B4GALT6: variants seen among roughly 807,000 people sequenced by gnomAD.
B4GALT6 encodes beta-1,4-galactosyltransferase 6, also known as UDP-Gal:beta-GlcNAc beta-1,4-galactosyltransferase 6.
Under a neutral mutation model 46.3 loss-of-function variants are expected in B4GALT6, and 14 were observed. The ratio of observed to expected loss-of-function variants is 0.30; its 90% CI spans 0.20 to 0.47. B4GALT6 has a LOEUF of 0.47. Among genes scored for constraint, B4GALT6 ranks in the 20% least tolerant of loss-of-function variants. The pLI, the probability that B4GALT6 is intolerant of heterozygous loss-of-function variation, is 0.99. For missense variants in B4GALT6, 386 were observed against 480.1 expected (o/e 0.80, Z 1.83); for synonymous variants, 168 against 162.0 (o/e 1.04, Z -0.28).
the B4GALT6 span, among the ~76,000 whole-genome samples, chr18:31,704,686 T>C: frequency 9.2e-5 from 14 of 152,288 alleles, 1 homozygote; most frequent in South Asian, 2.9e-3. Flanking sequence ...TCACCAACAA[T>C]ACATACTTGT....
the B4GALT6 span, chr18:31,724,421 C>G: frequency 9.4e-7 from 1 of 1,062,424 alleles, no homozygotes; most frequent in South Asian, 3.0e-5. Flanking sequence ...TCCCGCTCCT[C>G]CGATCTCCCA....
chr18:31,714,209 G>A, the B4GALT6 span, among the ~76,000 whole-genome samples: 20 of 152,340 alleles, frequency 1.3e-4, no homozygotes, highest in African/African-American at 4.1e-4. Context: ...GTAGTCACAC[G>A]TGATGTGTGG....
chr18:31,647,112 T>C (rs1267697071), intron 3 of B4GALT6, among the ~76,000 whole-genome samples: 2 of 152,320 alleles, frequency 1.3e-5, no homozygotes, highest in East Asian at 1.9e-4. Context: ...AACATTGTAA[T>C]CAAATAAAAT....
intron 6 of B4GALT6, among the ~76,000 whole-genome samples, chr18:31,628,050 G>A (rs1313940144): frequency 1.3e-5 from 2 of 152,256 alleles, no homozygotes; most frequent in African/African-American, 4.8e-5. Context: ...CACATTCTGA[G>A]AAGGACGTGC....
At chr18:31,701,209 C>T in the B4GALT6 span, among the ~76,000 whole-genome samples, 2 of 152,244 alleles carry the variant, frequency 1.3e-5, no homozygotes. Flanking sequence ...ACACCATCTC[C>T]TTGGTGCTGT....
chr18:31,674,305 T>C (rs2074391310), intron 1 of B4GALT6, among the ~76,000 whole-genome samples: 1 of 152,150 alleles, frequency 6.6e-6, no homozygotes. Context: ...GGAAGAAATG[T>C]TGGTTCAAGG....
chr18:31,651,491 ATACT>A (rs981058788), intron 3 of B4GALT6, among the ~76,000 whole-genome samples: 4 of 152,016 alleles, frequency 2.6e-5, no homozygotes, highest in African/African-American at 9.7e-5. Context: ...AACTTTTTAA[ATACT>A]TACTCCTCCC....
intron 3 of B4GALT6, among the ~76,000 whole-genome samples, 174 bp downstream of exon 3, chr18:31,657,802 T>A (rs1449086): frequency 0.67 from 101,403 of 152,004 alleles, 33,976 homozygotes; most frequent in South Asian, 0.8. Context: ...CCCTTCAAAA[T>A]GCGCTTTGCC....
intron 3 of B4GALT6, among the ~76,000 whole-genome samples, chr18:31,649,759 G>A (rs1434192045): frequency 7.2e-5 from 11 of 152,146 alleles, no homozygotes; most frequent in African/African-American, 2.4e-5. Context: ...AAAAACAACA[G>A]ATGCTGGCGA....
chr18:31,673,889 T>C (rs188086061), intron 1 of B4GALT6, among the ~76,000 whole-genome samples: 1 of 151,942 alleles, frequency 6.6e-6, no homozygotes, highest in African/African-American at 2.4e-5. Context: ...CAAGTACTCT[T>C]CTAAGAGAAA....
the B4GALT6 span, among the ~76,000 whole-genome samples, chr18:31,694,763 A>C: frequency 1.4e-3 from 217 of 152,330 alleles, 1 homozygote; most frequent in African/African-American, 4.9e-3. Flanking sequence ...TTCAACTGAA[A>C]TATCACTTTA....
intron 4 of B4GALT6, among the ~76,000 whole-genome samples, chr18:31,642,704 T>C (rs539505164): frequency 2.6e-5 from 4 of 152,178 alleles, no homozygotes; most frequent in Non-Finnish European, 5.9e-5. Flanking sequence ...TTACTAGTGG[T>C]TTTTTGTTTG....
In B4GALT6 at chr18:31,658,092, T is replaced by C. The variant is rs756724410; in HGVS notation, c.233-3A>G. 1 of 1,587,790 alleles carries C rather than the reference T, an allele frequency of 6.3e-7. No homozygotes were observed. Among genetic ancestry groups the C allele is most frequent in the Non-Finnish European group, 8.6e-7 (1 of 1,168,640 alleles). The stretch of plus-strand genomic sequence containing the variant: ...TGAATTATTGCCTTCGGGATAATCT[T>C]GGAAAGAGAGAAAAGAGTTACAAAA... On this transcript the variant is annotated splice_region_variant and splice_polypyrimidine_tract_variant and intron_variant, in intron 2 of 8. Coordinates refer to ENST00000306851, the MANE Select transcript of B4GALT6 (RefSeq NM_004775.5).
intron 3 of B4GALT6, among the ~76,000 whole-genome samples, chr18:31,655,019 G>C (rs559197987): frequency 4.6e-5 from 7 of 152,176 alleles, no homozygotes; most frequent in Non-Finnish European, 7.3e-5. Flanking sequence ...GAAGGAAAGG[G>C]AGAATCAAAT....
chr18:31,656,139 A>G (rs762116715), intron 3 of B4GALT6, among the ~76,000 whole-genome samples: 1 of 152,214 alleles, frequency 6.6e-6, no homozygotes, highest in Non-Finnish European at 1.5e-5. Context: ...CCATGGCCTT[A>G]GATGATATTA....
At chr18:31,674,323 G>C (rs1392859731) in intron 1 of B4GALT6, among the ~76,000 whole-genome samples, 1 of 152,184 alleles carries the variant, frequency 6.6e-6, no homozygotes, top group Non-Finnish European at 1.5e-5. Context: ...AGGCCACAGA[G>C]GAGAGGGAGA....
At chr18:31,629,446 GA>G (rs2073746658) in intron 6 of B4GALT6, among the ~76,000 whole-genome samples, 1 of 35,112 alleles carries the variant, frequency 2.8e-5, no homozygotes, top group South Asian at 1.1e-3. Context: ...TGCCCTTTAT[GA>G]TTTTTTTTTT....
chr18:31,657,969 G>C lies in B4GALT6; in HGVS notation c.346+7C>G. ...AACAGTTAAGTCAAAATTAGATGAC[G>C]ACTTACGCATATAAGGCAGCTTTTC... On this transcript the variant is annotated splice_region_variant and intron_variant, in intron 3 of 8. Transcript: ENST00000306851. 3 of 1,596,790 alleles carry C rather than the reference G, an allele frequency of 1.9e-6. No individual in the cohort carries two copies. Among genetic ancestry groups the C allele is most frequent in the Non-Finnish European group, 2.6e-6 (3 of 1,165,784 alleles).
At chr18:31,670,113 G>C (rs1168074628) in intron 1 of B4GALT6, among the ~76,000 whole-genome samples, 1 of 151,130 alleles carries the variant, frequency 6.6e-6, no homozygotes, top group Non-Finnish European at 1.5e-5. Flanking sequence ...GAGTGCGGTA[G>C]CTCCACCTTG....
Sources: allele counts gnomAD v4.1 joint callset (sites outside exome capture counted in the v4.1 genomes callset), GRCh38; gene constraint gnomAD v4.1.1; transcripts MANE v1.5; gene names NCBI Gene and HGNC (gene_info 2026-07-23, HGNC 2026-07-21).